ELOVL5: variants seen among roughly 807,000 people sequenced by gnomAD.
ELOVL5 encodes very long chain fatty acid elongase 5.
Under a neutral mutation model 38.6 loss-of-function variants are expected in ELOVL5, and 8 were observed. The ratio of observed to expected loss-of-function variants is 0.21; its 90% CI spans 0.12 to 0.37. ELOVL5 has a LOEUF of 0.37. Ranked by LOEUF, ELOVL5 falls within the 10% of genes least tolerant of loss-of-function variation. The pLI, the probability that ELOVL5 is intolerant of heterozygous loss-of-function variation, is 1.00. For missense variants in ELOVL5, 280 were observed against 367.8 expected (o/e 0.76, Z 1.95); for synonymous variants, 127 against 133.7 (o/e 0.95, Z 0.34).
chr6:53,287,216 A>G (rs1298512389), intron 3 of ELOVL5, among the ~76,000 whole-genome samples: 2 of 152,234 alleles, frequency 1.3e-5, no homozygotes, highest in Non-Finnish European at 2.9e-5. Context: ...CACACTATTC[A>G]CAACATATAG....
At chr6:53,308,244 C>G (rs1767681903) in intron 1 of ELOVL5, among the ~76,000 whole-genome samples, 1 of 152,182 alleles carries the variant, frequency 6.6e-6, no homozygotes, top group African/African-American at 2.4e-5. Flanking sequence ...TCTTCATCAT[C>G]ACTTCTACTG....
chr6:53,329,399 G>A (rs974603674), intron 1 of ELOVL5, among the ~76,000 whole-genome samples: 11 of 152,030 alleles, frequency 7.2e-5, no homozygotes, highest in African/African-American at 2.4e-4. Context: ...TTCTAATAAG[G>A]TAAATACTAA....
chr6:53,318,964 G>A (rs1280274643), intron 1 of ELOVL5, among the ~76,000 whole-genome samples: 1 of 151,942 alleles, frequency 6.6e-6, no homozygotes, highest in Non-Finnish European at 1.5e-5. Context: ...GTCCACTCAT[G>A]TGGACACTCA....
chr6:53,341,021 T>C (rs1487637576), intron 1 of ELOVL5, among the ~76,000 whole-genome samples: 1 of 152,208 alleles, frequency 6.6e-6, no homozygotes, highest in Non-Finnish European at 1.5e-5. Context: ...CCAGTCATAC[T>C]AATCCAGCCA....
At chr6:53,306,198 G>C in intron 1 of ELOVL5, among the ~76,000 whole-genome samples, 1 of 129,032 alleles carries the variant, frequency 7.8e-6, no homozygotes, top group African/African-American at 3.0e-5. Context: ...ACCGTGGAAA[G>C]GGGAGGAGAA....
At chr6:53,281,034 G>A (rs1766332961) in intron 3 of ELOVL5, among the ~76,000 whole-genome samples, 1 of 152,108 alleles carries the variant, frequency 6.6e-6, no homozygotes, top group African/African-American at 2.4e-5. Flanking sequence ...AGGAAACAAG[G>A]TCACTGGAAA....
chr6:53,301,806 T>C (rs1298609929), intron 1 of ELOVL5, among the ~76,000 whole-genome samples: 1 of 152,230 alleles, frequency 6.6e-6, no homozygotes, highest in African/African-American at 2.4e-5. Context: ...CTTCCCATTA[T>C]AAGATTCTGG....
chr6:53,292,620 A>G (rs141300824), intron 2 of ELOVL5, among the ~76,000 whole-genome samples: 1 of 152,250 alleles, frequency 6.6e-6, no homozygotes, highest in East Asian at 1.9e-4. Context: ...GCAAAACACT[A>G]TCTCTACTAA....
At chr6:53,307,789 A>G (rs892580936) in intron 1 of ELOVL5, among the ~76,000 whole-genome samples, 1 of 152,238 alleles carries the variant, frequency 6.6e-6, no homozygotes, top group African/African-American at 2.4e-5. Context: ...CTTAGTACAG[A>G]GCAGAAATAA....
chr6:53,269,092 G>A lies in ELOVL5; in HGVS notation c.*35C>T, dbSNP rs779454276. 4 of 1,608,198 alleles carry A rather than the reference G, an allele frequency of 2.5e-6. No individual in the cohort carries two copies. The highest frequency in any genetic ancestry group is 2.5e-6 in the Non-Finnish European group (3 of 1,177,420). ...ACAACTCATATTGTGCTTACAATCAGATGACGTGGTTTGGAGGGTTTCAAT... is the reference window on the plus strand; with the variant it reads ...ACAACTCATATTGTGCTTACAATCAAATGACGTGGTTTGGAGGGTTTCAAT... On this transcript the variant is annotated 3_prime_UTR_variant, in exon 8 of 8. Transcript: ENST00000304434.
chr6:53,275,497 T>C (rs1766076822), intron 4 of ELOVL5, among the ~76,000 whole-genome samples: 1 of 152,144 alleles, frequency 6.6e-6, no homozygotes, highest in Non-Finnish European at 1.5e-5. Flanking sequence ...CTACAGGGAA[T>C]ATTTTTGAAA....
intron 1 of ELOVL5, among the ~76,000 whole-genome samples, chr6:53,325,087 C>T (rs755666918): frequency 5.9e-5 from 9 of 152,138 alleles, no homozygotes; most frequent in Non-Finnish European, 1.3e-4. Flanking sequence ...CTGACTCTGC[C>T]CAACACCCTA....
In ELOVL5 at chr6:53,269,892, G is replaced by A. The variant is rs573293935; in HGVS notation, c.757-622C>T. On this transcript the variant is annotated intron_variant, in intron 7 of 7. Transcript: ENST00000304434. The stretch of plus-strand genomic sequence containing the variant: ...GTGCTTGTGGGCACAGAAGAAGAAA[G>A]GACAAATGTCTGAGCCTCGGGACTT... Among the ~76,000 whole-genome samples the A allele has an allele frequency of 5.0e-4, 76 of 152,340 alleles. 1 individual carries two copies. Among genetic ancestry groups the A allele is most frequent in the African/African-American group, 1.7e-3 (70 of 41,572 alleles).
At chr6:53,279,750 T>C (rs1184516132) in intron 3 of ELOVL5, among the ~76,000 whole-genome samples, 43 of 152,244 alleles carry the variant, frequency 2.8e-4, no homozygotes, top group Admixed American at 2.8e-3. Context: ...ATCAATTTCA[T>C]AATGGGGTCA....
chr6:53,275,273 GGGTC>G lies in ELOVL5; in HGVS notation c.325-16_325-13del. Reference sequence around the variant, plus strand: ...AGGACACGGATAATCTAAGAGGAAAGGGTCAAAGATTTAAGGCTTATCCTCACGG... The same window carrying G: ...AGGACACGGATAATCTAAGAGGAAAGAAAGATTTAAGGCTTATCCTCACGG... On this transcript the variant is annotated splice_polypyrimidine_tract_variant and intron_variant, in intron 4 of 7. Transcript: ENST00000304434. The G allele has an allele frequency of 6.2e-7, 1 of 1,613,556 alleles. No individual in the cohort carries two copies.
chr6:53,299,233 A>T (rs1252350098), intron 1 of ELOVL5, among the ~76,000 whole-genome samples: 2 of 148,642 alleles, frequency 1.3e-5, no homozygotes, highest in Non-Finnish European at 2.9e-5. Flanking sequence ...AAATTCAAAC[A>T]AAAGTATTCT....
intron 3 of ELOVL5, among the ~76,000 whole-genome samples, chr6:53,285,453 G>A (rs968139385): frequency 6.6e-6 from 1 of 152,206 alleles, no homozygotes; most frequent in Non-Finnish European, 1.5e-5. Context: ...AAGGGAAGAA[G>A]TCATCTCCAT....
chr6:53,269,376 T>C (rs892061634), intron 7 of ELOVL5, 106 bp from the exon 8 acceptor site: 3 of 831,806 alleles, frequency 3.6e-6, no homozygotes, highest in African/African-American at 3.5e-5. Context: ...CAAGATCAAA[T>C]CTTATCAAGG....
At chr6:53,292,468 G>A (rs550913729) in intron 2 of ELOVL5, among the ~76,000 whole-genome samples, 1 of 152,324 alleles carries the variant, frequency 6.6e-6, no homozygotes, top group South Asian at 2.1e-4. Flanking sequence ...TGAGTGTAAT[G>A]GTCAACAGCA....
Sources: allele counts gnomAD v4.1 joint callset (sites outside exome capture counted in the v4.1 genomes callset), GRCh38; gene constraint gnomAD v4.1.1; transcripts MANE v1.5; gene names NCBI Gene and HGNC (gene_info 2026-07-23, HGNC 2026-07-21).